The following RALGAPA1 variants were observed in gnomAD, a reference collection of about 807,000 sequenced individuals.
The protein encoded by RALGAPA1 is Ral GTPase activating protein catalytic subunit alpha 1.
A neutral mutation model predicts 269.6 loss-of-function variants in RALGAPA1; 52 were observed. That is an observed-to-expected ratio of 0.19 (90% CI 0.15 to 0.24). RALGAPA1 has a LOEUF of 0.24. RALGAPA1 is among the 10% of genes least tolerant of loss of function. The pLI is 1.00. For missense variants in RALGAPA1, 1,917 were observed against 3,013.9 expected, an observed-to-expected ratio of 0.64 and a Z score of 8.52; for synonymous variants, 817 against 1,008.3, an observed-to-expected ratio of 0.81 and a Z score of 3.60.
At chr14:35,790,445 TGA>T (rs1286436256) in intron 1 of RALGAPA1, among the ~76,000 whole-genome samples, 1 of 151,876 alleles carries the variant, frequency 6.6e-6, no homozygotes, top group Non-Finnish European at 1.5e-5. Context: ...CCCAGCACTT[TGA>T]GAGGCCAAGG....
intron 16 of RALGAPA1, 48 bp downstream of exon 16, chr14:35,721,640 A>G (rs1181203126): frequency 2.0e-6 from 3 of 1,489,896 alleles, no homozygotes; most frequent in Non-Finnish European, 2.7e-6. Context: ...ACCAAGGACT[A>G]TAAATGTAGT....
chr14:35,578,531 T>C (rs369710574), intron 37 of RALGAPA1, among the ~76,000 whole-genome samples: 2 of 152,210 alleles, frequency 1.3e-5, no homozygotes, highest in East Asian at 3.8e-4. Flanking sequence ...CTACATTCAC[T>C]TGCTGTTTAG....
intron 17 of RALGAPA1, among the ~76,000 whole-genome samples, chr14:35,695,946 C>T (rs2066862630): frequency 6.6e-6 from 1 of 152,022 alleles, no homozygotes; most frequent in African/African-American, 2.4e-5. Context: ...TGCCCAGACA[C>T]CAGAATAAAT....
intron 39 of RALGAPA1, among the ~76,000 whole-genome samples, chr14:35,563,319 T>C (rs2056440563): frequency 6.6e-6 from 1 of 152,048 alleles, no homozygotes; most frequent in South Asian, 2.1e-4. Flanking sequence ...ATAATAAATA[T>C]GTTAGGTAGA....
chr14:35,687,222 A>G (rs994750879), intron 18 of RALGAPA1, among the ~76,000 whole-genome samples: 2 of 152,210 alleles, frequency 1.3e-5, no homozygotes, highest in African/African-American at 4.8e-5. Flanking sequence ...AAAAACCCAA[A>G]ATAGTTATTT....
intron 8 of RALGAPA1, 42 bp downstream of exon 8, chr14:35,751,982 C>G: frequency 8.4e-6 from 13 of 1,551,086 alleles, no homozygotes; most frequent in Non-Finnish European, 1.1e-5. Flanking sequence ...GATTATTTTA[C>G]TCTTAAGTGT....
chr14:35,670,105 T>C (rs1376660949), intron 26 of RALGAPA1, among the ~76,000 whole-genome samples: 1 of 152,234 alleles, frequency 6.6e-6, no homozygotes, highest in African/African-American at 2.4e-5. Flanking sequence ...TTAAATATCA[T>C]CTATAAGCTA....
At chr14:35,720,895 G>A (rs1406315663) in intron 16 of RALGAPA1, among the ~76,000 whole-genome samples, 3 of 152,066 alleles carry the variant, frequency 2.0e-5, no homozygotes, top group Non-Finnish European at 4.4e-5. Flanking sequence ...ATCCAACAAA[G>A]GCAACAGAGC....
chr14:35,600,103 T>C (rs2059181830), intron 36 of RALGAPA1, among the ~76,000 whole-genome samples: 1 of 151,518 alleles, frequency 6.6e-6, no homozygotes, highest in Non-Finnish European at 1.5e-5. Context: ...CTTTCTCCTC[T>C]CCTTCTTGGA....
intron 27 of RALGAPA1, among the ~76,000 whole-genome samples, chr14:35,661,641 C>T (rs1356047147): frequency 1.3e-5 from 2 of 152,092 alleles, no homozygotes; most frequent in Non-Finnish European, 2.9e-5. Flanking sequence ...TTTAAAAAAT[C>T]ATTCATACAT....
intron 22 of RALGAPA1, 40 bp downstream of exon 22, chr14:35,677,910 C>G: frequency 6.3e-7 from 1 of 1,592,552 alleles, no homozygotes; most frequent in Non-Finnish European, 8.6e-7. Flanking sequence ...CACTGACGCC[C>G]TAAAAGAAAA....
intron 26 of RALGAPA1, among the ~76,000 whole-genome samples, chr14:35,670,449 T>C (rs2064308892): frequency 6.6e-6 from 1 of 152,192 alleles, no homozygotes; most frequent in Non-Finnish European, 1.5e-5. Context: ...ACTCCTTGCT[T>C]AAAATCCTTC....
intron 12 of RALGAPA1, 139 bp downstream of exon 12, chr14:35,738,373 AG>A (rs1316730551): frequency 1.1e-4 from 49 of 456,608 alleles, no homozygotes; most frequent in Admixed American, 7.3e-4. Flanking sequence ...AAGTGATGAA[AG>A]GAAAAAATAA....
At chr14:35,647,754 A>C (rs1594961091) in intron 31 of RALGAPA1, among the ~76,000 whole-genome samples, 1 of 151,622 alleles carries the variant, frequency 6.6e-6, no homozygotes, top group Non-Finnish European at 1.5e-5. Context: ...GGAATTTGAG[A>C]CCAGCCTGGC....
At chr14:35,788,436 GTTA>G (rs1489298221) in intron 1 of RALGAPA1, among the ~76,000 whole-genome samples, 2 of 152,096 alleles carry the variant, frequency 1.3e-5, no homozygotes, top group South Asian at 2.1e-4. Context: ...TATTTGAGGT[GTTA>G]TTATTTTAAT....
At chr14:35,730,246 G>A (rs1251359229) in intron 12 of RALGAPA1, among the ~76,000 whole-genome samples, 2 of 152,136 alleles carry the variant, frequency 1.3e-5, no homozygotes, top group African/African-American at 4.8e-5. Flanking sequence ...AGCTTGCTGG[G>A]TCCCCAGGCA....
intron 27 of RALGAPA1, among the ~76,000 whole-genome samples, chr14:35,662,767 G>A (rs951877356): frequency 6.6e-6 from 1 of 152,068 alleles, no homozygotes; most frequent in African/African-American, 2.4e-5. Flanking sequence ...CTGCTGATGT[G>A]CTGATGTACC....
chr14:35,800,174 T>A (rs1278730528), intron 1 of RALGAPA1, among the ~76,000 whole-genome samples: 1 of 152,220 alleles, frequency 6.6e-6, no homozygotes, highest in Non-Finnish European at 1.5e-5. Context: ...CAGTACTTGA[T>A]GAAAACAGCT....
In RALGAPA1 at chr14:35,725,105, C is replaced by G. The variant is rs776486693; in HGVS notation, c.1785G>C (p.Lys595Asn). The change falls in exon 14 of 42, where the codon AAG (lysine) becomes AAC (asparagine). Residue 595 changes from lysine to asparagine, a missense_variant. By Grantham distance (94) the Lys-to-Asn change is moderately conservative (BLOSUM62 0). Coordinates refer to ENST00000680220, the MANE Select transcript of RALGAPA1 (RefSeq NM_001346249.2). Reference protein sequence around the residue: ...VLLRVTESVLKMPSQAFLQFQ... With the variant: ...VLLRVTESVLNMPSQAFLQFQ... ...ACTGTAGAAAAGCTTGTGATGGCAT[C>G]TTCAGTACAGATTCCGTGACTCTGA... 3 of 1,607,128 alleles carry G rather than the reference C, an allele frequency of 1.9e-6. No homozygotes were observed. The highest frequency in any genetic ancestry group is 2.6e-6 in the Non-Finnish European group (3 of 1,176,332).
Sources: allele counts gnomAD v4.1 joint callset (sites outside exome capture counted in the v4.1 genomes callset), GRCh38; gene constraint gnomAD v4.1.1; transcripts MANE v1.5; gene names NCBI Gene and HGNC (gene_info 2026-07-23, HGNC 2026-07-21).